Variants in EPHA5 observed in about 807,000 individuals in gnomAD.
EPHA5 encodes EPH receptor A5.
In EPHA5, 60 loss-of-function variants were observed where a neutral mutation model predicts 105.0. The ratio of observed to expected loss-of-function variants is 0.57; its 90% confidence interval spans 0.46 to 0.71. The LOEUF (loss-of-function observed/expected upper bound fraction) is 0.71, where lower values mean the gene tolerates loss of function less well. Among genes scored for constraint, EPHA5 ranks in the 30% least tolerant of loss-of-function variants. The probability of loss-of-function intolerance (pLI) is 0.00; values close to 1 mark genes in which losing one functional copy is unlikely to be tolerated. For missense variants in EPHA5, 1,218 were observed against 1,274.7 expected, an observed-to-expected ratio of 0.96 and a Z score of 0.68; for synonymous variants, 513 against 449.1, an observed-to-expected ratio of 1.14 and a Z score of -1.80.
At chr4:65,482,643 GA>G (rs1228442341) in intron 5 of EPHA5, among the ~76,000 whole-genome samples, 1 of 151,922 alleles carries the variant, frequency 6.6e-6, no homozygotes, top group Non-Finnish European at 1.5e-5. Context: ...GGTCTGGGAA[GA>G]AAAAAATCTA....
chr4:65,630,959 A>G (rs2149491246), intron 2 of EPHA5, among the ~76,000 whole-genome samples: 1 of 152,286 alleles, frequency 6.6e-6, no homozygotes, highest in South Asian at 2.1e-4. Flanking sequence ...TTTTTGGATG[A>G]AATACTTCCT....
chr4:65,642,855 C>CT (rs563812257), intron 2 of EPHA5, among the ~76,000 whole-genome samples: 1 of 151,838 alleles, frequency 6.6e-6, no homozygotes, highest in African/African-American at 2.4e-5. Context: ...TTCTTGGAAT[C>CT]TTTTTTTATC....
At chr4:65,532,004 T>C (rs544990724) in intron 3 of EPHA5, among the ~76,000 whole-genome samples, 37 of 152,308 alleles carry the variant, frequency 2.4e-4, no homozygotes, top group South Asian at 1.0e-3. Flanking sequence ...ATTATTTTCG[T>C]CAGTTTTAAA....
At chr4:65,526,712 G>C (rs910245366) in intron 3 of EPHA5, among the ~76,000 whole-genome samples, 3 of 151,932 alleles carry the variant, frequency 2.0e-5, no homozygotes, top group Admixed American at 1.3e-4. Flanking sequence ...AAAATGTCAT[G>C]AGAGCCAAAC....
chr4:65,385,312 TCACA>T (rs1719976607), intron 8 of EPHA5, among the ~76,000 whole-genome samples: 1 of 151,874 alleles, frequency 6.6e-6, no homozygotes, highest in Admixed American at 6.6e-5. Context: ...TAAAATTGAA[TCACA>T]TCTATCAGCA....
intron 2 of EPHA5, among the ~76,000 whole-genome samples, chr4:65,616,220 T>C (rs1745224223): frequency 1.3e-5 from 2 of 152,070 alleles, no homozygotes; most frequent in Non-Finnish European, 2.9e-5. Context: ...TTTTATAATA[T>C]TTTTAAAATA....
Position 65,573,684 on chromosome 4 carries a change from G to T in EPHA5, c.910+27957C>A, listed in dbSNP as rs1431171638. 14 of 1,596,166 alleles carry T rather than the reference G, an allele frequency of 8.8e-6. No homozygotes were observed. The Admixed American group carries it at 2.1e-4, about 24-fold the overall frequency. On this transcript the variant is annotated intron_variant, in intron 3 of 16. Coordinates refer to ENST00000613740, the MANE Select transcript of EPHA5 (RefSeq NM_001281766.3). Reference sequence around the variant, plus strand: ...CATGTACAAGAGGAAGTACTCAGCCGCTAAATCCAAGGTTGAAAAGAAAAA... The same window carrying T: ...CATGTACAAGAGGAAGTACTCAGCCTCTAAATCCAAGGTTGAAAAGAAAAA...
intron 5 of EPHA5, among the ~76,000 whole-genome samples, chr4:65,422,810 G>A (rs183998208): frequency 6.6e-6 from 1 of 151,998 alleles, no homozygotes; most frequent in African/African-American, 2.4e-5. Flanking sequence ...ATTTAGAATA[G>A]CTTTATTTTT....
chr4:65,479,209 G>A (rs1429032519), intron 5 of EPHA5, among the ~76,000 whole-genome samples: 1 of 152,072 alleles, frequency 6.6e-6, no homozygotes, highest in African/African-American at 2.4e-5. Flanking sequence ...TCATTTGATT[G>A]TTGTAATCAT....
chr4:65,466,997 A>G (rs536666656), intron 5 of EPHA5, among the ~76,000 whole-genome samples: 30 of 152,304 alleles, frequency 2.0e-4, no homozygotes, highest in African/African-American at 7.2e-4. Flanking sequence ...AAGAAATGAG[A>G]CACAGAAAAA....
At chr4:65,469,138 AT>A (rs961956918) in intron 5 of EPHA5, among the ~76,000 whole-genome samples, 3 of 152,126 alleles carry the variant, frequency 2.0e-5, no homozygotes, top group African/African-American at 7.2e-5. Context: ...CCATTTTGCT[AT>A]TATGGTAGAA....
intron 8 of EPHA5, among the ~76,000 whole-genome samples, chr4:65,391,027 C>T (rs564361359): frequency 1.6e-4 from 25 of 151,988 alleles, no homozygotes; most frequent in African/African-American, 5.5e-4. Flanking sequence ...AAGCAAGGGA[C>T]GTTTTTCATA....
At chr4:65,487,316 G>A (rs1420106847) in intron 5 of EPHA5, among the ~76,000 whole-genome samples, 3 of 152,092 alleles carry the variant, frequency 2.0e-5, no homozygotes, top group Admixed American at 6.6e-5. Context: ...TAACTTTGGG[G>A]GGAATTTAGT....
At chr4:65,530,647 G>T (rs1468119214) in intron 3 of EPHA5, among the ~76,000 whole-genome samples, 2 of 152,160 alleles carry the variant, frequency 1.3e-5, no homozygotes, top group Non-Finnish European at 2.9e-5. Flanking sequence ...TGGGGTGTAA[G>T]GCAATTTCTG....
intron 3 of EPHA5, among the ~76,000 whole-genome samples, chr4:65,589,142 T>C (rs548603214): frequency 6.6e-6 from 1 of 152,262 alleles, no homozygotes; most frequent in East Asian, 1.9e-4. Flanking sequence ...TCTAACATTA[T>C]GTACTGAGAG....
intron 3 of EPHA5, among the ~76,000 whole-genome samples, chr4:65,508,521 G>C (rs923988519): frequency 1.4e-4 from 21 of 151,976 alleles, no homozygotes; most frequent in Admixed American, 1.3e-4. Context: ...CTATGTATCT[G>C]ACAAATTATA....
At chr4:65,344,033 A>C (rs1721984815) in intron 14 of EPHA5, among the ~76,000 whole-genome samples, 1 of 152,208 alleles carries the variant, frequency 6.6e-6, no homozygotes, top group South Asian at 2.1e-4. Flanking sequence ...CTATGAGAGT[A>C]AAAATAGATG....
At chr4:65,592,373 G>T (rs1009891087) in intron 3 of EPHA5, among the ~76,000 whole-genome samples, 1 of 152,056 alleles carries the variant, frequency 6.6e-6, no homozygotes, top group Non-Finnish European at 1.5e-5. Context: ...CAGGCTCTGG[G>T]AAACAAGGCA....
intron 2 of EPHA5, among the ~76,000 whole-genome samples, chr4:65,642,505 G>A (rs1173160860): frequency 6.6e-6 from 1 of 151,450 alleles, no homozygotes; most frequent in Non-Finnish European, 1.5e-5. Flanking sequence ...TTAATATTAT[G>A]TCTTTAAGTA....
Sources: gnomAD v4.1 joint callset for allele counts (sites outside exome capture counted in the v4.1 genomes callset) on GRCh38, gnomAD v4.1.1 for gene constraint, MANE v1.5 for transcripts, NCBI Gene and HGNC (gene_info 2026-07-23, HGNC 2026-07-21) for gene names.